Variants in RBPJ observed in about 807,000 individuals in gnomAD.
RBPJ encodes the protein recombination signal binding protein for immunoglobulin kappa J region.
RBPJ carries 9 observed loss-of-function variants against 67.8 expected under a neutral mutation model. The observed-to-expected ratio is 0.13, with a 90% CI of 0.08 to 0.23. RBPJ has a LOEUF of 0.23. Ranked by LOEUF, RBPJ falls within the 10% of genes least tolerant of loss-of-function variation. The pLI, the probability that RBPJ is intolerant of heterozygous loss-of-function variation, is 1.00. For missense variants in RBPJ, 305 were observed against 595.6 expected (o/e 0.51, Z 5.08); for synonymous variants, 198 against 203.3 (o/e 0.97, Z 0.22).
intron 1 of RBPJ, among the ~76,000 whole-genome samples, chr4:26,361,941 G>A (rs1054800272): frequency 6.6e-6 from 1 of 152,168 alleles, no homozygotes; most frequent in African/African-American, 2.4e-5. Flanking sequence ...TTTTATGAAT[G>A]CCACTATAGA....
Position 26,329,691 on chromosome 4 carries a change from G to A in RBPJ, c.20+8643G>A, listed in dbSNP as rs567095037. On this transcript the variant is annotated intron_variant, in intron 1 of 10. Coordinates refer to ENST00000355476, the MANE Select transcript of RBPJ (RefSeq NM_015874.6). ...GGGCGGATCACGAGGTCAGGAAATC[G>A]AGACCATCCTGGCTAACACGGTGAA... Among the ~76,000 whole-genome samples, 52 of 152,114 alleles carry A rather than the reference G, an allele frequency of 3.4e-4. 1 individual carries two copies. Among genetic ancestry groups the A allele is most frequent in the African/African-American group, 1.2e-3 (50 of 41,510 alleles).
At chr4:26,220,138 A>G (rs1349665480) in intron 1 of RBPJ, among the ~76,000 whole-genome samples, 1 of 152,158 alleles carries the variant, frequency 6.6e-6, no homozygotes, top group African/African-American at 2.4e-5. Flanking sequence ...CTGAGCCACT[A>G]CTTTACACTA....
In RBPJ at chr4:26,300,023, C is replaced by A. The variant is rs111751593; in HGVS notation, c.-166-62423C>A. Among the ~76,000 whole-genome samples the A allele has an allele frequency of 1.2e-3, 189 of 152,150 alleles. 1 individual carries two copies. Among genetic ancestry groups the A allele is most frequent in the African/African-American group, 4.4e-3 (183 of 41,504 alleles). On this transcript the variant is annotated intron_variant, in intron 1 of 4. Transcript: ENST00000512351. ...CAACACAAACCTCTTAATGAAGAAGCAAGGTTTTTGGAGGAGTGGAAATGG... is the reference window on the plus strand; with the variant it reads ...CAACACAAACCTCTTAATGAAGAAGAAAGGTTTTTGGAGGAGTGGAAATGG...
chr4:26,292,284 A>G (rs1721696708), intron 1 of RBPJ, among the ~76,000 whole-genome samples: 1 of 150,654 alleles, frequency 6.6e-6, no homozygotes, highest in East Asian at 2.0e-4. Context: ...GTTCAACTTC[A>G]TAGATTTTAC....
At chr4:26,118,730 G>A in the RBPJ span, among the ~76,000 whole-genome samples, 205 of 152,278 alleles carry the variant, frequency 1.3e-3, no homozygotes, top group Non-Finnish European at 2.0e-3. Flanking sequence ...TACACCTTGA[G>A]GGAAGGTCAA....
intron 1 of RBPJ, among the ~76,000 whole-genome samples, chr4:26,259,481 T>C (rs1438994453): frequency 6.6e-6 from 1 of 152,220 alleles, no homozygotes; most frequent in Non-Finnish European, 1.5e-5. Context: ...ATTGCTTTGA[T>C]TGTGCTTTGT....
chr4:26,109,523 C>T, the RBPJ span, among the ~76,000 whole-genome samples: 79 of 44,348 alleles, frequency 1.8e-3, no homozygotes, highest in Non-Finnish European at 2.7e-3. Context: ...TACACACACA[C>T]ATATATATAT....
intron 1 of RBPJ, among the ~76,000 whole-genome samples, chr4:26,212,484 T>C (rs1425689429): frequency 7.2e-6 from 1 of 138,796 alleles, no homozygotes; most frequent in East Asian, 2.4e-4. Context: ...TCACCCAGGC[T>C]GGAGTGCAGT....
the RBPJ span, among the ~76,000 whole-genome samples, chr4:26,125,272 C>T: frequency 6.6e-6 from 1 of 152,138 alleles, no homozygotes; most frequent in African/African-American, 2.4e-5. Flanking sequence ...TCATGGGGCA[C>T]CCTGTGATGT....
At chr4:26,112,830 C>T in the RBPJ span, 2 of 146,980 alleles carry the variant, frequency 1.4e-5, no homozygotes, top group African/African-American at 2.5e-5. Flanking sequence ...TGGGATCTCG[C>T]TCACTGCAAC....
chr4:26,329,920 C>T (rs1476767477), intron 1 of RBPJ, among the ~76,000 whole-genome samples: 2 of 151,724 alleles, frequency 1.3e-5, no homozygotes, highest in Non-Finnish European at 2.9e-5. Flanking sequence ...AAATGCCTAG[C>T]TTGGTTCTGG....
intron 1 of RBPJ, among the ~76,000 whole-genome samples, chr4:26,231,996 A>G (rs1719306034): frequency 6.6e-6 from 1 of 151,552 alleles, no homozygotes; most frequent in African/African-American, 2.4e-5. Flanking sequence ...AGTTCAAGCA[A>G]TTCTTCTGCC....
At chr4:26,254,943 C>G (rs1288179170) in intron 1 of RBPJ, among the ~76,000 whole-genome samples, 14 of 128,774 alleles carry the variant, frequency 1.1e-4, no homozygotes, top group Admixed American at 8.3e-4. Flanking sequence ...CTGAAGTGAT[C>G]CACCGGCCTT....
At chr4:26,377,187 C>A (rs1729839664) in intron 1 of RBPJ, among the ~76,000 whole-genome samples, 3 of 152,208 alleles carry the variant, frequency 2.0e-5, no homozygotes, top group African/African-American at 7.2e-5. Context: ...TAGTGCTTTA[C>A]ATATATGAAC....
intron 1 of RBPJ, among the ~76,000 whole-genome samples, chr4:26,337,007 G>A (rs1199862380): frequency 6.6e-6 from 1 of 152,074 alleles, no homozygotes; most frequent in Non-Finnish European, 1.5e-5. Context: ...ACTGAGTGTC[G>A]CTCTGTCGCC....
At chr4:26,320,757 A>T (rs1229623895), upstream of RBPJ, 21 of 1,553,690 alleles carry the variant, frequency 1.4e-5, no homozygotes, top group Non-Finnish European at 1.8e-5. Context: ...AGCGCTCCCC[A>T]TGGACCACAC....
intron 1 of RBPJ, among the ~76,000 whole-genome samples, chr4:26,199,764 A>G (rs1717915755): frequency 6.6e-6 from 1 of 152,218 alleles, no homozygotes; most frequent in Admixed American, 6.5e-5. Flanking sequence ...GGAATCAGAC[A>G]GTGATGTTGG....
chr4:26,415,330 C>T (rs965867925), intron 3 of RBPJ, 145 bp from the exon 4 acceptor site: 39 of 663,798 alleles, frequency 5.9e-5, no homozygotes, highest in Non-Finnish European at 9.3e-5. Context: ...ATTTGCATTA[C>T]AAAAGGCTTC....
intron 1 of RBPJ, among the ~76,000 whole-genome samples, chr4:26,306,522 T>C (rs1289610921): frequency 6.6e-6 from 1 of 151,906 alleles, no homozygotes; most frequent in Non-Finnish European, 1.5e-5. Flanking sequence ...CGATCTCCGC[T>C]CACTGCAACC....
Sources: gnomAD v4.1 joint callset for allele counts (sites outside exome capture counted in the v4.1 genomes callset) on GRCh38, gnomAD v4.1.1 for gene constraint, MANE v1.5 for transcripts, NCBI Gene and HGNC (gene_info 2026-07-23, HGNC 2026-07-21) for gene names.